The following ATP10A variants were observed in gnomAD, a reference collection of about 807,000 sequenced individuals.
The protein encoded by ATP10A is phospholipid-transporting ATPase VA.
In ATP10A, 111 loss-of-function variants were observed where a neutral mutation model predicts 147.8. The ratio of observed to expected loss-of-function variants is 0.75; its 90% CI spans 0.64 to 0.88. ATP10A has a LOEUF of 0.88. ATP10A is among the 40% of genes least tolerant of loss of function. The probability of loss-of-function intolerance (pLI) is 0.00; values close to 1 mark genes in which losing one functional copy is unlikely to be tolerated. For missense variants in ATP10A, 1,927 were observed against 1,959.0 expected, an observed-to-expected ratio of 0.98 and a Z score of 0.31; for synonymous variants, 875 against 841.6, an observed-to-expected ratio of 1.04 and a Z score of -0.69.
At chr15:25,832,565 CTT>C (rs376440829) in intron 1 of ATP10A, among the ~76,000 whole-genome samples, 1 of 143,382 alleles carries the variant, frequency 7.0e-6, no homozygotes, top group Non-Finnish European at 1.5e-5. Flanking sequence ...AATTCGTTTC[CTT>C]TTTTTTTTTT....
At chr15:25,843,575 T>C (rs114092486) in intron 1 of ATP10A, among the ~76,000 whole-genome samples, 2,862 of 152,244 alleles carry the variant, frequency 0.019, 52 homozygotes, top group African/African-American at 0.047. Context: ...CACAGAGGCT[T>C]AGAGCCCTCT....
At chr15:25,830,858 C>T (rs1892324465) in intron 1 of ATP10A, among the ~76,000 whole-genome samples, 1 of 152,212 alleles carries the variant, frequency 6.6e-6, no homozygotes. Flanking sequence ...CTGTTTCAAA[C>T]CTAAGGACTT....
chr15:25,737,576 G>A (rs530347069), intron 2 of ATP10A, among the ~76,000 whole-genome samples: 2 of 152,226 alleles, frequency 1.3e-5, no homozygotes, highest in South Asian at 2.1e-4. Flanking sequence ...GGCACGGGAC[G>A]GCTGGCTTCC....
At chr15:25,752,703 C>T (rs1431650209) in intron 2 of ATP10A, among the ~76,000 whole-genome samples, 1 of 152,134 alleles carries the variant, frequency 6.6e-6, no homozygotes, top group East Asian at 1.9e-4. Flanking sequence ...TGCAAAAATT[C>T]ATTAGGGTTT....
At chr15:25,861,292 C>T (rs899605791) in intron 1 of ATP10A, among the ~76,000 whole-genome samples, 2 of 152,212 alleles carry the variant, frequency 1.3e-5, no homozygotes, top group Non-Finnish European at 2.9e-5. Flanking sequence ...GTGACTCTTA[C>T]AAAAGTTTCA....
At chr15:25,726,262 A>T (rs893145862) in intron 4 of ATP10A, among the ~76,000 whole-genome samples, 180 bp from the exon 5 acceptor site, 33 of 152,178 alleles carry the variant, frequency 2.2e-4, no homozygotes, top group Non-Finnish European at 1.8e-4. Context: ...AAAATAAATA[A>T]AATAAAATGA....
rs116705123 is a variant in ATP10A, at chr15:25,716,907, G to C, written c.1599C>G (p.Pro533=). The change falls in exon 9 of 21, where the codon CCC becomes CCG. Residue 533 remains proline (P), a synonymous_variant. Transcript: ENST00000555815. Reference sequence around the variant, plus strand: ...TCACCTTCTCCAGCAGCTTTGGGTCGGGCGTGATATCCTTCTCCTGGGAGA... The same window carrying C: ...TCACCTTCTCCAGCAGCTTTGGGTCCGGCGTGATATCCTTCTCCTGGGAGA... ...FSSPMEKDIT[P]DPKLLEKVSE... 1.9e-6 allele frequency: 3 copies of C among 1,584,624 alleles called. No homozygotes were observed.
chr15:25,739,619 C>T lies in ATP10A; in HGVS notation c.655-3478G>A, dbSNP rs138467373. ...CAGCATCACCTGCAAAAGTGCTGCC[C>T]ACACATGCCAGCCTCAAGCTGAAGC... is the stretch of plus-strand genomic sequence containing the variant. On this transcript the variant is annotated intron_variant, in intron 2 of 20. Transcript: ENST00000555815. Among the ~76,000 whole-genome samples the T allele has an allele frequency of 3.1e-3, 470 of 152,248 alleles. 1 individual carries two copies. Among genetic ancestry groups the T allele is most frequent in the Non-Finnish European group, 4.9e-3 (335 of 68,028 alleles).
chr15:25,739,374 G>A (rs184190182), intron 2 of ATP10A, among the ~76,000 whole-genome samples: 67 of 152,294 alleles, frequency 4.4e-4, no homozygotes, highest in Admixed American at 1.4e-3. Context: ...GGGCTTACCA[G>A]AGCCCACTCA....
chr15:25,735,120 G>T (rs1038292128), intron 3 of ATP10A, among the ~76,000 whole-genome samples: 1 of 152,166 alleles, frequency 6.6e-6, no homozygotes, highest in Non-Finnish European at 1.5e-5. Context: ...ACAGTGCCAG[G>T]AGGTGGCCCC....
chr15:25,808,646 A>G (rs976069223), intron 1 of ATP10A, among the ~76,000 whole-genome samples: 2 of 152,190 alleles, frequency 1.3e-5, no homozygotes, highest in African/African-American at 2.4e-5. Flanking sequence ...GGACTCCCCA[A>G]GTTCTGGGAT....
At chr15:25,712,012 G>A (rs1410294797) in intron 10 of ATP10A, among the ~76,000 whole-genome samples, 2 of 152,160 alleles carry the variant, frequency 1.3e-5, no homozygotes, top group African/African-American at 4.8e-5. Context: ...CATGGCCCTC[G>A]GCACCTGCTA....
At chr15:25,688,702 TA>T (rs1215076050) in intron 15 of ATP10A, among the ~76,000 whole-genome samples, 1 of 152,158 alleles carries the variant, frequency 6.6e-6, no homozygotes, top group Non-Finnish European at 1.5e-5. Context: ...TATATTCAAA[TA>T]ATATGTAGAA....
At chr15:25,802,265 C>T (rs746738139) in intron 1 of ATP10A, among the ~76,000 whole-genome samples, 3 of 152,182 alleles carry the variant, frequency 2.0e-5, no homozygotes, top group East Asian at 1.9e-4. Flanking sequence ...AATCTCAGCC[C>T]GAGGCTGTGG....
intron 14 of ATP10A, 94 bp from the exon 15 acceptor site, chr15:25,691,885 C>T (rs1485453062): frequency 2.0e-6 from 3 of 1,487,410 alleles, no homozygotes; most frequent in Non-Finnish European, 1.9e-6. Context: ...CCCCGCTGAA[C>T]TCAGTCCTGT....
At chr15:25,733,831 T>C (rs113771159) in intron 3 of ATP10A, among the ~76,000 whole-genome samples, 2,354 of 152,316 alleles carry the variant, frequency 0.015, 62 homozygotes, top group African/African-American at 0.053. Context: ...GATTTCATGC[T>C]GGGAGAGCTG....
chr15:25,724,652 C>G (rs1385111981), intron 5 of ATP10A, among the ~76,000 whole-genome samples: 1 of 152,192 alleles, frequency 6.6e-6, no homozygotes, highest in Non-Finnish European at 1.5e-5. Context: ...TTTTGTTTCT[C>G]TTTTCATGAA....
chr15:25,781,680 A>G (rs1889933273), intron 1 of ATP10A, among the ~76,000 whole-genome samples: 1 of 151,892 alleles, frequency 6.6e-6, no homozygotes, highest in African/African-American at 2.4e-5. Context: ...AAAAAAAAAG[A>G]ATATTCATAC....
At chr15:25,743,545 G>C (rs1414489952) in intron 2 of ATP10A, among the ~76,000 whole-genome samples, 1 of 152,254 alleles carries the variant, frequency 6.6e-6, no homozygotes, top group African/African-American at 2.4e-5. Flanking sequence ...AGGGTCTACA[G>C]CTTCTGCAAG....
Sources: gnomAD v4.1 joint callset for allele counts (sites outside exome capture counted in the v4.1 genomes callset) on GRCh38, gnomAD v4.1.1 for gene constraint, MANE v1.5 for transcripts, NCBI Gene and HGNC (gene_info 2026-07-23, HGNC 2026-07-21) for gene names.